HSPG2: variants seen among roughly 807,000 people sequenced by gnomAD.
HSPG2 encodes heparan sulfate proteoglycan 2.
Under a neutral mutation model 526.6 loss-of-function variants are expected in HSPG2, and 278 were observed. The ratio of observed to expected loss-of-function variants is 0.53; its 90% CI spans 0.48 to 0.58. The LOEUF (loss-of-function observed/expected upper bound fraction) is 0.58, where lower values mean the gene tolerates loss of function less well. HSPG2 is among the 20% of genes least tolerant of loss of function. The pLI, the probability that HSPG2 is intolerant of heterozygous loss-of-function variation, is 0.00. For synonymous variants in HSPG2, 2,465 were observed against 2,555.4 expected (o/e 0.96, Z 1.07); for missense variants, 5,354 against 6,099.5 (o/e 0.88, Z 4.07).
At position 21,839,815 on chromosome 1, in the gene HSPG2, GT is replaced by G; in HGVS notation, c.9709+6del. On this transcript the variant is annotated splice_donor_region_variant and intron_variant, in intron 72 of 96. Coordinates refer to ENST00000374695, the MANE Select transcript of HSPG2 (RefSeq NM_005529.7). The surrounding 1 kb of genome is among the most constrained non-coding windows in gnomAD (Gnocchi z 4.5). ...TGCCAGCCCTATGTGCCAGCCCTTG[GT>G]CACACCTGTGGCTGAGCAGCGCAAG... The G allele has an allele frequency of 6.2e-7, 1 of 1,612,956 alleles. No homozygotes were observed. The highest frequency in any genetic ancestry group is 8.5e-7 in the Non-Finnish European group (1 of 1,179,924).
intron 9 of HSPG2, among the ~76,000 whole-genome samples, chr1:21,886,615 G>T (rs142065758): frequency 1.6e-3 from 247 of 152,288 alleles, no homozygotes; most frequent in African/African-American, 5.5e-3. Context: ...CTGTCAGGAT[G>T]CCCGTAATGT....
At chr1:21,879,603 G>A (rs988280627) in intron 17 of HSPG2, among the ~76,000 whole-genome samples, 2 of 152,066 alleles carry the variant, frequency 1.3e-5, no homozygotes, top group African/African-American at 4.8e-5. Context: ...TTAGTCTGAT[G>A]AGGGTGGAGA....
intron 3 of HSPG2, among the ~76,000 whole-genome samples, chr1:21,892,739 T>A (rs1642454889): frequency 6.6e-6 from 1 of 151,456 alleles, no homozygotes; most frequent in Non-Finnish European, 1.5e-5. Context: ...ATGCCTGTAA[T>A]CCCAGCTACT....
chr1:21,848,791 T>TCGAGCTGGGAG lies in HSPG2; in HGVS notation c.7588_7589insCTCCCAGCTCG (p.Gln2530ProfsTer65). ...GATGCGGACGGGGTACGCCACACCC[T>TCGAGCTGGGAG]GGGCTGGGAGGGTGAGATGTAAGGC... On this transcript the variant is annotated frameshift_variant, in exon 59 of 97. Coordinates refer to ENST00000374695, the MANE Select transcript of HSPG2 (RefSeq NM_005529.7). LOFTEE classifies it high-confidence loss of function. This position sits in a 1 kb window ranked among gnomAD's most constrained non-coding sequence, Gnocchi z 4.9. The TCGAGCTGGGAG allele has an allele frequency of 6.2e-7, 1 of 1,613,532 alleles. No homozygotes were observed. Among genetic ancestry groups the TCGAGCTGGGAG allele is most frequent in the Non-Finnish European group, 8.5e-7 (1 of 1,179,948 alleles).
intron 81 of HSPG2, among the ~76,000 whole-genome samples, chr1:21,832,173 C>T (rs2098007193): frequency 1.3e-5 from 2 of 152,158 alleles, no homozygotes; most frequent in Non-Finnish European, 2.9e-5. Flanking sequence ...CCCACAAGAG[C>T]CAGAATTTGG....
At chr1:21,935,420 G>A (rs1644463360) in intron 1 of HSPG2, among the ~76,000 whole-genome samples, 1 of 152,152 alleles carries the variant, frequency 6.6e-6, no homozygotes, top group Admixed American at 6.5e-5. Context: ...GTCCTTGCTG[G>A]TCCAACCCAC....
intron 44 of HSPG2, among the ~76,000 whole-genome samples, chr1:21,856,574 C>T (rs1557728801): frequency 6.6e-6 from 1 of 150,838 alleles, no homozygotes; most frequent in South Asian, 2.1e-4. Flanking sequence ...CCTGCCACCA[C>T]ACCCAGCTAG....
At position 21,854,766 on chromosome 1, in the gene HSPG2, C is replaced by T. The variant is rs1203971516; in HGVS notation, c.6134-1G>A. ...ACCGGCGGTGGGCTGGCATCTGAGG[C>T]TGGGGCCAGAGTAGGGGTCAGCAGG... is the stretch of plus-strand genomic sequence containing the variant. On this transcript the variant is annotated splice_acceptor_variant, in intron 48 of 96. Transcript: ENST00000374695. LOFTEE classifies it high-confidence loss of function. The T allele has an allele frequency of 1.2e-6, 2 of 1,613,486 alleles. No individual in the cohort carries two copies. The highest frequency in any genetic ancestry group is 1.3e-5 in the African/African-American group (1 of 74,924).
intron 25 of HSPG2, 118 bp from the exon 26 acceptor site, chr1:21,875,120 G>A (rs1640948653): frequency 1.3e-6 from 1 of 784,816 alleles, no homozygotes; most frequent in Admixed American, 2.0e-5. Context: ...AGTGCTGCTG[G>A]GGCCCTGTCC....
In HSPG2 at chr1:21,822,326, C is replaced by T. The variant is rs2097953810; in HGVS notation, c.*990G>A. On this transcript the variant is annotated 3_prime_UTR_variant, in exon 97 of 97. Coordinates refer to ENST00000374695, the MANE Select transcript of HSPG2 (RefSeq NM_005529.7). ...CTTCTAGGACACAGAGGCCAGGCGT[C>T]CCAACCCCACAGTCTGGGGGCCACT... The T allele has an allele frequency of 2.8e-6, 3 of 1,087,310 alleles. No individual in the cohort carries two copies. Among genetic ancestry groups the T allele is most frequent in the Non-Finnish European group, 2.8e-6 (2 of 716,834 alleles). 67.4% of individuals were successfully genotyped at this position (1,087,310 alleles called of 1,614,324 possible).
At chr1:21,849,111 G>A in intron 57 of HSPG2, 80 bp from the exon 58 acceptor site, 3 of 1,501,882 alleles carry the variant, frequency 2.0e-6, no homozygotes, top group Non-Finnish European at 2.7e-6. Context: ...CTTCCCTGGT[G>A]CCACTCCCAG....
Position 21,830,059 on chromosome 1 carries a change from G to T in HSPG2, c.11704C>A (p.Arg3902=). The change falls in exon 86 of 97, where the codon CGG becomes AGG. Residue 3902 remains arginine, a synonymous_variant. Coordinates refer to ENST00000374695, the MANE Select transcript of HSPG2 (RefSeq NM_005529.7). ...CAGGTGTAGCCTCGACCGTCAGGCCGGTTCACACAGGTGGCGTCGGGCCCA... is the reference window on the plus strand; with the variant it reads ...CAGGTGTAGCCTCGACCGTCAGGCCTGTTCACACAGGTGGCGTCGGGCCCA... ...ACGPDATCVN[R]PDGRGYTCRC... The T allele has an allele frequency of 2.5e-6, 4 of 1,603,524 alleles. No individual in the cohort carries two copies. Among genetic ancestry groups the T allele is most frequent in the Non-Finnish European group, 2.6e-6 (3 of 1,176,338 alleles).
intron 1 of HSPG2, among the ~76,000 whole-genome samples, chr1:21,903,965 C>T (rs889434584): frequency 3.3e-5 from 5 of 152,216 alleles, no homozygotes; most frequent in African/African-American, 1.2e-4. Flanking sequence ...CTTCAGCTTC[C>T]TCATCCTTAA....
rs1014990368 is a variant in HSPG2 at position 21,893,323 on chromosome 1, C to T, written c.244+2599G>A. 7.2e-5 allele frequency among the ~76,000 whole-genome samples: 11 copies of T among 152,174 alleles called. No individual in the cohort carries two copies. The highest frequency in any genetic ancestry group is 2.0e-4 in the Admixed American group (3 of 15,284). ...CCCGTCAACACCCCATGGGGAAGAA[C>T]GCCCGCCAGGGTTCCAGCCCACTGT... On this transcript the variant is annotated intron_variant, in intron 3 of 96. Transcript: ENST00000374695. The surrounding 1 kb of genome is among the most constrained non-coding windows in gnomAD (Gnocchi z 4.3).
chr1:21,855,634 C>T lies in HSPG2; in HGVS notation c.5743G>A (p.Gly1915Ser), dbSNP rs368203304. ...GQLPAKAQIHGGILRLPAVEP... is the reference protein window; with the variant it reads ...GQLPAKAQIHSGILRLPAVEP... ...ACAGCTGGCAGGCGCAGGATGCCGC[C>T]GTGGATTTGTGCCTTCGCAGGGAGC... The change falls in exon 46 of 97, where the codon GGC becomes AGC. Residue 1915 changes from glycine (G) to serine (S), a missense_variant. Physicochemically the swap from Gly to Ser is moderately conservative, Grantham distance 56. Transcript: ENST00000374695. 1.4e-4 allele frequency: 216 copies of T among 1,576,156 alleles called. No individual in the cohort carries two copies. Among genetic ancestry groups the T allele is most frequent in the Non-Finnish European group, 1.6e-4 (186 of 1,163,892 alleles).
intron 1 of HSPG2, among the ~76,000 whole-genome samples, chr1:21,912,199 G>C (rs1400821616): frequency 1.3e-5 from 2 of 152,134 alleles, no homozygotes; most frequent in Non-Finnish European, 2.9e-5. Context: ...GTGTGGCCCT[G>C]GGCAAATCAC....
In HSPG2 at chr1:21,884,672, G is replaced by A. The variant is rs760285274; in HGVS notation, c.1510C>T (p.Pro504Ser). The A allele has an allele frequency of 6.2e-7, 1 of 1,611,318 alleles. No homozygotes were observed. Residue 504 changes from proline to serine, a missense_variant and splice_region_variant, in exon 13 of 97, where the codon CCC becomes TCC. Transcript: ENST00000374695. ...GVLELVPQRG[P>S]CPDGHFYLEH... ...AGGTAGAAGTGGCCGTCAGGGCAGGGGCCTGCTGGGCGGCATGGGCGGGGG... is the reference window on the plus strand; with the variant it reads ...AGGTAGAAGTGGCCGTCAGGGCAGGAGCCTGCTGGGCGGCATGGGCGGGGG...
At chr1:21,899,164 A>G (rs1457655726) in intron 1 of HSPG2, among the ~76,000 whole-genome samples, 1 of 152,190 alleles carries the variant, frequency 6.6e-6, no homozygotes, top group African/African-American at 2.4e-5. Context: ...CTGAGGATCC[A>G]GGGTCAGATA....
intron 1 of HSPG2, among the ~76,000 whole-genome samples, chr1:21,914,816 C>A (rs535343018): frequency 8.5e-5 from 13 of 152,208 alleles, no homozygotes; most frequent in Non-Finnish European, 1.6e-4. Flanking sequence ...AAAGCTCCTC[C>A]CCGGGCAGGT....
Sources: allele counts gnomAD v4.1 joint callset (sites outside exome capture counted in the v4.1 genomes callset), GRCh38; gene constraint gnomAD v4.1.1; non-coding constraint Gnocchi (gnomAD v3.1); transcripts MANE v1.5; gene names NCBI Gene and HGNC (gene_info 2026-07-23, HGNC 2026-07-21).